C7orf78: variants seen among roughly 807,000 people sequenced by gnomAD.
C7orf78 encodes chromosome 7 open reading frame 78, also known as putative uncharacterized protein C7orf78.
the C7orf78 span, chr7:12,506,851 G>A: frequency 1.0e-4 from 44 of 438,926 alleles, no homozygotes; most frequent in South Asian, 1.5e-4. Flanking sequence ...AGTTTGTCAG[G>A]TTATCGTAGA....
At chr7:12,528,998 T>C in the C7orf78 span, 2 of 398,550 alleles carry the variant, frequency 5.0e-6, no homozygotes, top group Non-Finnish European at 8.8e-6. Flanking sequence ...GATTCAAAAC[T>C]AATTTTGACG....
the C7orf78 span, chr7:12,491,192 G>GATTGATCAAACATAGAAAGC: frequency 6.6e-6 from 1 of 152,146 alleles, no homozygotes; most frequent in Non-Finnish European, 1.5e-5. Context: ...ATTGTTAACT[G>GATTGATCAAACATAGAAAGC]TAATGAATTG....
chr7:12,513,172 G>C, the C7orf78 span, among the ~76,000 whole-genome samples: 2 of 151,254 alleles, frequency 1.3e-5, no homozygotes, highest in East Asian at 3.9e-4. Context: ...ATTTAGTTCT[G>C]CTCTTACCTT....
At chr7:12,490,375 T>A in the C7orf78 span, among the ~76,000 whole-genome samples, 4 of 152,174 alleles carry the variant, frequency 2.6e-5, no homozygotes, top group African/African-American at 9.6e-5. Context: ...CCCAGGACGA[T>A]GTCATCATGT....
the C7orf78 span, chr7:12,484,021 G>T: frequency 1.3e-5 from 2 of 152,112 alleles, no homozygotes; most frequent in African/African-American, 4.8e-5. Flanking sequence ...CAAAGGTAAA[G>T]GTCGATCTTA....
the C7orf78 span, among the ~76,000 whole-genome samples, chr7:12,519,650 A>C: frequency 6.6e-6 from 1 of 152,202 alleles, no homozygotes; most frequent in African/African-American, 2.4e-5. Context: ...TCAGCTCTGG[A>C]AAGCATGTAA....
chr7:12,492,781 C>T, the C7orf78 span, among the ~76,000 whole-genome samples: 1 of 152,190 alleles, frequency 6.6e-6, no homozygotes, highest in African/African-American at 2.4e-5. Flanking sequence ...AAACAGGTCT[C>T]TGTTTACTCT....
the C7orf78 span, among the ~76,000 whole-genome samples, chr7:12,503,146 G>C: frequency 2.9e-5 from 4 of 136,874 alleles, no homozygotes; most frequent in East Asian, 8.2e-4. Flanking sequence ...TGACGAGTTA[G>C]TGGGTGCAGC....
the C7orf78 span, among the ~76,000 whole-genome samples, chr7:12,487,276 G>A: frequency 6.6e-6 from 1 of 152,072 alleles, no homozygotes; most frequent in African/African-American, 2.4e-5. Flanking sequence ...AACTTGGGAA[G>A]AGAAGTCAGG....
chr7:12,514,423 T>C, the C7orf78 span, among the ~76,000 whole-genome samples: 1 of 152,128 alleles, frequency 6.6e-6, no homozygotes, highest in Non-Finnish European at 1.5e-5. Context: ...GTATTTTCCA[T>C]GTATGTCTTT....
the C7orf78 span, among the ~76,000 whole-genome samples, chr7:12,519,090 A>G: frequency 2.0e-5 from 3 of 152,094 alleles, no homozygotes; most frequent in Non-Finnish European, 2.9e-5. Context: ...GAAGATGGAG[A>G]TGAGGATCCC....
At chr7:12,534,862 G>A in the C7orf78 span, among the ~76,000 whole-genome samples, 2 of 152,034 alleles carry the variant, frequency 1.3e-5, no homozygotes, top group African/African-American at 2.4e-5. Context: ...GCTGAGGCGG[G>A]AGATTTACTT....
chr7:12,508,574 G>A, the C7orf78 span, among the ~76,000 whole-genome samples: 3 of 152,178 alleles, frequency 2.0e-5, no homozygotes, highest in African/African-American at 7.2e-5. Context: ...TACTTTGATA[G>A]TTTGTATATT....
chr7:12,507,715 C>T, the C7orf78 span, among the ~76,000 whole-genome samples: 1 of 152,198 alleles, frequency 6.6e-6, no homozygotes, highest in Non-Finnish European at 1.5e-5. Context: ...GGGGCAAAAT[C>T]CATTTGGAAA....
the C7orf78 span, among the ~76,000 whole-genome samples, chr7:12,487,944 A>G: frequency 1.3e-5 from 2 of 152,042 alleles, no homozygotes; most frequent in East Asian, 3.8e-4. Flanking sequence ...AGTATATTCC[A>G]ATTTGCCAAC....
At chr7:12,527,999 T>C in the C7orf78 span, among the ~76,000 whole-genome samples, 1 of 150,056 alleles carries the variant, frequency 6.7e-6, no homozygotes, top group South Asian at 2.2e-4. Flanking sequence ...TCACTCACTT[T>C]GGTAGAAAAT....
At chr7:12,510,038 GAAAA>G in the C7orf78 span, among the ~76,000 whole-genome samples, 2 of 137,854 alleles carry the variant, frequency 1.5e-5, no homozygotes, top group African/African-American at 2.7e-5. Context: ...CCATCTCAAG[GAAAA>G]AAAAAAAAAA....
the C7orf78 span, among the ~76,000 whole-genome samples, chr7:12,495,176 G>C: frequency 2.0e-5 from 3 of 152,160 alleles, no homozygotes; most frequent in Admixed American, 1.3e-4. Context: ...AAAAGGATTA[G>C]ACCACACAAA....
the C7orf78 span, among the ~76,000 whole-genome samples, chr7:12,495,802 C>T: frequency 0.095 from 14,522 of 152,126 alleles, 855 homozygotes; most frequent in Non-Finnish European, 0.13. Flanking sequence ...ATATGTAATT[C>T]AAATAACTTA....
Sources: allele counts gnomAD v4.1 joint callset (sites outside exome capture counted in the v4.1 genomes callset), GRCh38; gene constraint gnomAD v4.1.1; transcripts MANE v1.5; gene names NCBI Gene and HGNC (gene_info 2026-07-23, HGNC 2026-07-21).